Variants in STK4 observed in about 807,000 individuals in gnomAD.
STK4 encodes the protein serine/threonine-protein kinase 4.
Under a neutral mutation model 64.9 loss-of-function variants are expected in STK4, and 30 were observed. The ratio of observed to expected loss-of-function variants is 0.46; its 90% CI spans 0.35 to 0.63. STK4 has a LOEUF of 0.63. Among genes scored for constraint, STK4 ranks in the 20% least tolerant of loss-of-function variants. The probability of loss-of-function intolerance (pLI) is 0.01; values close to 1 mark genes in which losing one functional copy is unlikely to be tolerated. For synonymous variants in STK4, 177 were observed against 199.0 expected (o/e 0.89, Z 0.93); for missense variants, 466 against 598.5 (o/e 0.78, Z 2.31).
chr20:45,015,390 T>C (rs2284272), intron 9 of STK4, among the ~76,000 whole-genome samples: 27,517 of 152,176 alleles, frequency 0.18, 2,686 homozygotes, highest in African/African-American at 0.23. Flanking sequence ...GCAAGTACAG[T>C]AATTAGGACA....
intron 10 of STK4, among the ~76,000 whole-genome samples, chr20:45,052,084 A>G (rs748183519): frequency 7.9e-5 from 12 of 152,226 alleles, no homozygotes; most frequent in Non-Finnish European, 1.5e-4. Context: ...CTTTAGGACA[A>G]TGGTCCTTAC....
intron 9 of STK4, among the ~76,000 whole-genome samples, chr20:45,017,635 A>G (rs2068166597): frequency 1.3e-5 from 2 of 152,228 alleles, no homozygotes; most frequent in Non-Finnish European, 2.9e-5. Flanking sequence ...CACTTTGACT[A>G]GGAAAGTGAT....
rs539043599 is a variant in STK4, at chr20:45,018,243, T to G, written c.1148-6730T>G. Among the ~76,000 whole-genome samples the G allele has an allele frequency of 1.7e-4, 26 of 152,242 alleles. No homozygotes were observed. The East Asian group carries it at 4.8e-3, about 28-fold the overall frequency. The stretch of plus-strand genomic sequence containing the variant: ...GTTGTTGTTGTTTTTCCTGCAAACA[T>G]TCATGCATGAAACAGAGAAAAAAAA... On this transcript the variant is annotated intron_variant, in intron 9 of 10. Coordinates refer to ENST00000372806, the MANE Select transcript of STK4 (RefSeq NM_006282.5).
intron 10 of STK4, among the ~76,000 whole-genome samples, chr20:45,063,731 AC>A (rs1299355628): frequency 1.3e-5 from 2 of 151,966 alleles, no homozygotes; most frequent in African/African-American, 4.8e-5. Context: ...TTTAGATTTT[AC>A]TTTTAAGTCT....
Position 45,061,794 on chromosome 20 carries a change from G to A in STK4, c.1306-13224G>A, listed in dbSNP as rs182680088. On this transcript the variant is annotated intron_variant, in intron 10 of 10. Coordinates refer to ENST00000372806, the MANE Select transcript of STK4 (RefSeq NM_006282.5). ...AATCCTCAGTGTCTATTGTTCACCT[G>A]TATGTACTCATGTTTTTGTTGTTTA... 1.5e-4 allele frequency among the ~76,000 whole-genome samples: 23 copies of A among 150,442 alleles called. No homozygotes were observed. In the East Asian group the frequency reaches 4.5e-3, roughly 29 times the overall value.
At chr20:45,031,896 C>T (rs1214594894) in intron 10 of STK4, among the ~76,000 whole-genome samples, 1 of 112,644 alleles carries the variant, frequency 8.9e-6, no homozygotes, top group Non-Finnish European at 1.7e-5. Context: ...CACAGCGAGA[C>T]TTCATCTCAA....
At chr20:45,011,897 T>TG (rs1487722760) in intron 9 of STK4, among the ~76,000 whole-genome samples, 1 of 151,422 alleles carries the variant, frequency 6.6e-6, no homozygotes, top group Non-Finnish European at 1.5e-5. Context: ...AAGACTTGCT[T>TG]CCTCCCTCTA....
intron 10 of STK4, among the ~76,000 whole-genome samples, chr20:45,026,991 T>A (rs1321266031): frequency 6.6e-6 from 1 of 152,226 alleles, no homozygotes; most frequent in Non-Finnish European, 1.5e-5. Context: ...GTATAAGGAC[T>A]GATTTCTCAG....
chr20:44,980,588 T>C (rs1358578696), intron 3 of STK4, among the ~76,000 whole-genome samples: 1 of 152,266 alleles, frequency 6.6e-6, no homozygotes, highest in Non-Finnish European at 1.5e-5. Context: ...TGTATGTTTT[T>C]ATTACAAAGT....
Position 44,987,254 on chromosome 20 carries a change from A to G in STK4, c.483A>G (p.Gly161=). 1.9e-6 allele frequency: 3 copies of G among 1,610,674 alleles called. No homozygotes were observed. Among genetic ancestry groups the G allele is most frequent in the South Asian group, 2.2e-5 (2 of 90,080 alleles). The change falls in exon 5 of 11, where the codon GGA becomes GGG. Residue 161 remains glycine (G), a synonymous_variant. Coordinates refer to ENST00000372806, the MANE Select transcript of STK4 (RefSeq NM_006282.5). ...GAAATATTTTGCTAAATACAGAAGG[A>G]CATGCAAAACTTGCAGATTTTGGGG... ...KAGNILLNTE[G]HAKLADFGVA... is the part of the protein sequence containing the mutation.
intron 1 of STK4, among the ~76,000 whole-genome samples, chr20:44,968,577 TGTTC>T (rs1240407804): frequency 6.6e-6 from 1 of 152,264 alleles, no homozygotes; most frequent in Non-Finnish European, 1.5e-5. Context: ...TTCTGAACTA[TGTTC>T]GTTCGTTCTT....
chr20:45,048,772 A>G (rs1220517860), intron 10 of STK4, among the ~76,000 whole-genome samples: 1 of 152,118 alleles, frequency 6.6e-6, no homozygotes, highest in Non-Finnish European at 1.5e-5. Context: ...GTGAGCCACC[A>G]TGCCCAGCCA....
In STK4 at chr20:44,987,008, A is replaced by G; in HGVS notation, c.361-124A>G. On this transcript the variant is annotated intron_variant, in intron 4 of 10. Coordinates refer to ENST00000372806, the MANE Select transcript of STK4 (RefSeq NM_006282.5). Reference sequence around the variant, plus strand: ...AGTGTATCTATGGTATAAGCAGTCAAATGCTGTTCACAGGTTGAATAAGAT... The same window carrying G: ...AGTGTATCTATGGTATAAGCAGTCAGATGCTGTTCACAGGTTGAATAAGAT... 6 of 748,192 alleles carry G rather than the reference A, an allele frequency of 8.0e-6. No individual in the cohort carries two copies. The South Asian group carries it at 1.3e-4, about 16-fold the overall frequency. 46.3% of individuals were successfully genotyped at this position (748,192 alleles called of 1,614,324 possible).
intron 9 of STK4, among the ~76,000 whole-genome samples, chr20:45,003,443 C>A (rs2145702099): frequency 6.6e-6 from 1 of 152,278 alleles, no homozygotes; most frequent in Admixed American, 6.5e-5. Context: ...TGTTTATTTT[C>A]ATTGTCCCTT....
At chr20:44,991,216 A>G (rs918437001) in intron 5 of STK4, among the ~76,000 whole-genome samples, 2 of 151,664 alleles carry the variant, frequency 1.3e-5, no homozygotes, top group African/African-American at 4.8e-5. Flanking sequence ...TTGTATGGAT[A>G]TAGCATGATT....
At position 44,997,381 on chromosome 20, in the gene STK4, A is replaced by G. The variant is rs577673281; in HGVS notation, c.831+75A>G. 2.8e-5 allele frequency: 42 copies of G among 1,512,884 alleles called. No individual in the cohort carries two copies. In the East Asian group the frequency reaches 9.2e-4, roughly 33 times the overall value. 93.7% of individuals were successfully genotyped at this position (1,512,884 alleles called of 1,614,324 possible). On this transcript the variant is annotated intron_variant, in intron 7 of 10. Transcript: ENST00000372806. Reference sequence around the variant, plus strand: ...ACCAAAAGATGCCATGAGGTCACCTACGTGGAGATAGTAAAGAAGTATAAG... The same window carrying G: ...ACCAAAAGATGCCATGAGGTCACCTGCGTGGAGATAGTAAAGAAGTATAAG...
intron 9 of STK4, among the ~76,000 whole-genome samples, chr20:45,010,515 A>G (rs2068026375): frequency 6.6e-6 from 1 of 152,238 alleles, no homozygotes; most frequent in Non-Finnish European, 1.5e-5. Flanking sequence ...GATCATTACA[A>G]CCATGCTGTG....
At chr20:45,038,190 T>C (rs1246162347) in intron 10 of STK4, among the ~76,000 whole-genome samples, 2 of 152,166 alleles carry the variant, frequency 1.3e-5, no homozygotes, top group Non-Finnish European at 2.9e-5. Flanking sequence ...TCAAGTCAGC[T>C]ATTCTTGTTT....
rs1980717563 is a variant in STK4 at position 45,078,847 on chromosome 20, T to C, written c.*3671T>C. 1 of 152,430 alleles carries C rather than the reference T, an allele frequency of 6.6e-6. No individual in the cohort carries two copies. Among genetic ancestry groups the C allele is most frequent in the African/African-American group, 2.4e-5 (1 of 41,416 alleles). The allele number at this position is 152,430 out of a possible 1,614,324, so 9.4% of individuals were successfully genotyped here. A position where few individuals can be genotyped will look rare whatever the true frequency, so the allele number is the denominator to read the frequency against. ...TAAAACTCAGTAAGTCTTTTAAATA[T>C]CAGGAAGGAGAGAAGCGACATCATG... On this transcript the variant is annotated 3_prime_UTR_variant, in exon 11 of 11. Transcript: ENST00000372806.
Sources: allele counts gnomAD v4.1 joint callset (sites outside exome capture counted in the v4.1 genomes callset), GRCh38; gene constraint gnomAD v4.1.1; transcripts MANE v1.5; gene names NCBI Gene and HGNC (gene_info 2026-07-23, HGNC 2026-07-21).